ZAN: variants seen among roughly 807,000 people sequenced by gnomAD.
ZAN encodes zonadhesin (gene/pseudogene).
ZAN carries 260 observed loss-of-function variants against 286.2 expected under a neutral mutation model. The observed-to-expected ratio is 0.91, with a 90% CI of 0.82 to 1.01. The LOEUF (loss-of-function observed/expected upper bound fraction) is 1.01, where lower values mean the gene tolerates loss of function less well. Ranked by LOEUF, ZAN falls within the 50% of genes least tolerant of loss-of-function variation. The pLI, the probability that ZAN is intolerant of heterozygous loss-of-function variation, is 0.00. For synonymous variants in ZAN, 1,368 were observed against 1,417.5 expected (o/e 0.97, Z 0.79); for missense variants, 3,410 against 3,639.2 (o/e 0.94, Z 1.62).
At chr7:100,793,728 G>T in intron 42 of ZAN, 92 bp from the exon 43 acceptor site, 1 of 1,386,698 alleles carries the variant, frequency 7.2e-7, no homozygotes, top group East Asian at 2.3e-5. Flanking sequence ...GTGAGCCACT[G>T]TGCCCAGCCT....
rs749008504 is a variant in ZAN at position 100,752,658 on chromosome 7, C to T, written c.2553C>T (p.Thr851=). The T allele has an allele frequency of 6.2e-6, 10 of 1,612,662 alleles. No individual in the cohort carries two copies. Among genetic ancestry groups the T allele is most frequent in the Non-Finnish European group, 7.6e-6 (9 of 1,179,450 alleles). Residue 851 remains threonine, a synonymous_variant, in exon 14 of 48, where the codon ACC becomes ACT. Transcript: ENST00000613979. ...EKLTIPMEKP[T]ISTEKPTIPT... is the part of the protein sequence containing the mutation. The stretch of plus-strand genomic sequence containing the variant: ...TCACCATCCCCATGGAAAAACCCAC[C>T]ATCTCCACAGAAAAACCCACCATCC...
intron 31 of ZAN, among the ~76,000 whole-genome samples, chr7:100,774,154 C>A (rs1171176085): frequency 6.6e-6 from 1 of 152,156 alleles, no homozygotes; most frequent in African/African-American, 2.4e-5. Flanking sequence ...TTTGGAAGGC[C>A]AAGGCGGGTG....
At chr7:100,786,504 A>G (rs771817638) in intron 37 of ZAN, among the ~76,000 whole-genome samples, 15 of 152,136 alleles carry the variant, frequency 9.9e-5, no homozygotes, top group Non-Finnish European at 1.5e-4. Context: ...AAATGCCTGC[A>G]ATCATGTGAT....
intron 11 of ZAN, among the ~76,000 whole-genome samples, chr7:100,748,699 C>T (rs1302454520): frequency 6.6e-6 from 1 of 152,116 alleles, no homozygotes; most frequent in Non-Finnish European, 1.5e-5. Flanking sequence ...AGGCATCTCA[C>T]TTCATGGAGC....
Position 100,789,319 on chromosome 7 carries a change from C to G in ZAN, c.7329C>G (p.Val2443=). ...ACCTGGTCACCGACTTTGAGCTGGT[C>G]GTCAGCTTTGGTGGAAGGAAAAATG... ...RLYLVTDFEL[V]VSFGGRKNAV... Residue 2443 remains valine (V), a synonymous_variant, in exon 39 of 48, where the codon GTC becomes GTG. Transcript: ENST00000613979. The G allele has an allele frequency of 1.9e-6, 3 of 1,613,682 alleles. No individual in the cohort carries two copies. Among genetic ancestry groups the G allele is most frequent in the South Asian group, 1.1e-5 (1 of 91,020 alleles).
In ZAN at chr7:100,785,482, T is replaced by C. The variant is rs150956829; in HGVS notation, c.6835-515T>C. 7.6e-3 allele frequency among the ~76,000 whole-genome samples: 1,156 copies of C among 151,880 alleles called. 2 individuals are homozygous for C. The highest frequency in any genetic ancestry group is 0.013 in the Non-Finnish European group (871 of 67,922). ...CTGACCTCAAGTGATCTGCCCGCCT[T>C]GGCCTCCCAAAGTACTAAGATTACA... is the stretch of plus-strand genomic sequence containing the variant. On this transcript the variant is annotated intron_variant, in intron 36 of 47. Coordinates refer to ENST00000613979, the MANE Select transcript of ZAN (RefSeq NM_003386.3).
intron 3 of ZAN, 39 bp from the exon 4 acceptor site, chr7:100,736,444 T>C (rs370124201): frequency 6.6e-7 from 1 of 1,518,264 alleles, no homozygotes; most frequent in Non-Finnish European, 9.1e-7. Context: ...GCCCTGCCCC[T>C]GCCCTCTCTG....
At chr7:100,790,803 A>T in intron 39 of ZAN, 139 bp from the exon 40 acceptor site, 6 of 939,338 alleles carry the variant, frequency 6.4e-6, no homozygotes, top group Non-Finnish European at 9.1e-6. Flanking sequence ...GAATTGCTTG[A>T]AACCAGGAGG....
chr7:100,747,723 G>A (rs1386918827), intron 9 of ZAN, 82 bp downstream of exon 9: 9 of 1,341,650 alleles, frequency 6.7e-6, no homozygotes, highest in South Asian at 1.2e-5. Context: ...TGGTGCTGTG[G>A]CTCATGCCTG....
chr7:100,750,059 A>AACAC (rs373704697), intron 11 of ZAN, among the ~76,000 whole-genome samples: 7,156 of 122,172 alleles, frequency 0.059, 330 homozygotes, highest in African/African-American at 0.14. Flanking sequence ...TCAAAAAAAC[A>AACAC]ACACACACAC....
chr7:100,788,368 T>C (rs112489872), intron 38 of ZAN, among the ~76,000 whole-genome samples: 2,675 of 151,746 alleles, frequency 0.018, 90 homozygotes, highest in African/African-American at 0.061. Context: ...CTGGGCAACA[T>C]AGCAAGACGC....
chr7:100,763,951 G>A lies in ZAN; in HGVS notation c.4097+35G>A, dbSNP rs779925759. ...AGGGCAGGCAGGGTCGCACAGGGGC[G>A]ATGCTTGGCACCTGGGCTCCTCCAA... On this transcript the variant is annotated intron_variant, in intron 21 of 47. Transcript: ENST00000613979. The surrounding 1 kb of genome is among the most constrained non-coding windows in gnomAD (Gnocchi z 4.6). 27 of 1,598,978 alleles carry A rather than the reference G, an allele frequency of 1.7e-5. 1 individual carries two copies. The highest frequency in any genetic ancestry group is 1.6e-4 in the Middle Eastern group (1 of 6,062).
chr7:100,789,303 C>T lies in ZAN; in HGVS notation c.7313C>T (p.Thr2438Ile), dbSNP rs1299898470. 6.2e-7 allele frequency: 1 copy of T among 1,613,878 alleles called. No homozygotes were observed. Among genetic ancestry groups the T allele is most frequent in the South Asian group, 1.1e-5 (1 of 91,072 alleles). Residue 2438 changes from threonine to isoleucine, a missense_variant, in exon 39 of 48, where the codon ACC (threonine) becomes ATC (isoleucine). Coordinates refer to ENST00000613979, the MANE Select transcript of ZAN (RefSeq NM_003386.3). ...TLWGQRLYLV[T>I]DFELVVSFGG... ...TGGGGCCAACGGCTCTACCTGGTCACCGACTTTGAGCTGGTCGTCAGCTTT... is the reference window on the plus strand; with the variant it reads ...TGGGGCCAACGGCTCTACCTGGTCATCGACTTTGAGCTGGTCGTCAGCTTT...
chr7:100,779,497 G>C lies in ZAN; in HGVS notation c.6369G>C (p.Glu2123Asp). Residue 2123 changes from glutamate to aspartate, a missense_variant, in exon 35 of 48, where the codon GAG (glutamate) becomes GAC (aspartate). By Grantham distance (45) the Glu-to-Asp change is conservative. This residue lies in a region of ZAN where 1,289 missense variants were observed against 1,314.3 expected (regional missense o/e 0.98). Transcript: ENST00000613979. ...DEQQIPAEQQ[E>D]NPSGNCRAAD... is the part of the protein sequence containing the mutation. ...AGCAGATTCCAGCGGAACAGCAGGA[G>C]AACCCGAGTGGAAACTGCAGGGCGG... is the stretch of plus-strand genomic sequence containing the variant. The C allele has an allele frequency of 6.2e-7, 1 of 1,612,248 alleles. No homozygotes were observed. The highest frequency in any genetic ancestry group is 1.7e-5 in the Admixed American group (1 of 59,860).
chr7:100,745,047 C>T (rs921986493), intron 7 of ZAN, among the ~76,000 whole-genome samples: 3 of 151,562 alleles, frequency 2.0e-5, no homozygotes, highest in Non-Finnish European at 2.9e-5. Flanking sequence ...CCACGCCCGG[C>T]TAATTTTTGT....
rs372501243 is a variant in ZAN, at chr7:100,753,545, G to T, written c.3124+316G>T. 7.9e-5 allele frequency among the ~76,000 whole-genome samples: 12 copies of T among 152,020 alleles called. No individual in the cohort carries two copies. In the South Asian group the frequency reaches 1.3e-3, roughly 16 times the overall value. On this transcript the variant is annotated intron_variant, in intron 14 of 47. Transcript: ENST00000613979. ...CTTTTAAAGTGTACAATTCTAGGCC[G>T]GGCACGGTAGCTCAAACCTGTAATC...
intron 30 of ZAN, 62 bp from the exon 31 acceptor site, chr7:100,773,659 G>A: frequency 6.4e-7 from 1 of 1,570,458 alleles, no homozygotes; most frequent in Non-Finnish European, 8.6e-7. Context: ...CTTCAACTGG[G>A]GCGTTGGCCC....
In ZAN at chr7:100,767,374, C is replaced by T. The variant is rs1810060655; in HGVS notation, c.4860+117C>T. The T allele has an allele frequency of 2.8e-6, 4 of 1,437,720 alleles. No individual in the cohort carries two copies. In the Admixed American group the frequency reaches 6.9e-5, roughly 25 times the overall value. 89.1% of individuals were successfully genotyped at this position (1,437,720 alleles called of 1,614,324 possible). On this transcript the variant is annotated intron_variant, in intron 25 of 47. Coordinates refer to ENST00000613979, the MANE Select transcript of ZAN (RefSeq NM_003386.3). Reference sequence around the variant, plus strand: ...GGCTCCTTAGAGCACCTGGGAAGCACCTGCAGCTGACCCAGACCCTCTTCT... The same window carrying T: ...GGCTCCTTAGAGCACCTGGGAAGCATCTGCAGCTGACCCAGACCCTCTTCT...
chr7:100,792,982 C>CAAAAAAAAAAAAAAAAAAAAAA (rs1232116032), intron 42 of ZAN, among the ~76,000 whole-genome samples: 3 of 50,972 alleles, frequency 5.9e-5, no homozygotes, highest in East Asian at 2.3e-4. Context: ...CATCCTATCT[C>CAAAAAAAAAAAAAAAAAAAAAA]AAAAAAAAAA....
Sources: allele counts gnomAD v4.1 joint callset (sites outside exome capture counted in the v4.1 genomes callset), GRCh38; gene constraint gnomAD v4.1.1; regional missense constraint gnomAD v4.1.1; non-coding constraint Gnocchi (gnomAD v3.1); transcripts MANE v1.5; gene names NCBI Gene and HGNC (gene_info 2026-07-23, HGNC 2026-07-21).